The following MOB1B variants were observed in gnomAD, a reference collection of about 807,000 sequenced individuals.
The protein encoded by MOB1B is MOB1 Mps One Binder homolog B.
A neutral mutation model predicts 24.4 loss-of-function variants in MOB1B; 19 were observed. That is an observed-to-expected ratio of 0.78 (90% CI 0.54 to 1.14). The LOEUF (loss-of-function observed/expected upper bound fraction) is 1.14. MOB1B is among the 50% of genes most tolerant of loss of function. MOB1B has a pLI of 0.00. For missense variants in MOB1B, 243 were observed against 259.6 expected (o/e 0.94, Z 0.44); for synonymous variants, 76 against 82.1 (o/e 0.93, Z 0.40).
intron 2 of MOB1B, among the ~76,000 whole-genome samples, chr4:70,961,640 G>A (rs1345628656): frequency 6.6e-6 from 1 of 152,162 alleles, no homozygotes; most frequent in Non-Finnish European, 1.5e-5. Flanking sequence ...TGAAGCATTA[G>A]AACATCTGCT....
chr4:70,927,747 G>T (rs1288588997), intron 1 of MOB1B, among the ~76,000 whole-genome samples: 1 of 152,092 alleles, frequency 6.6e-6, no homozygotes, highest in Non-Finnish European at 1.5e-5. Flanking sequence ...TAACATGGAG[G>T]GGAAGTGGTA....
At chr4:70,961,928 T>C (rs552388096) in intron 2 of MOB1B, among the ~76,000 whole-genome samples, 4 of 152,150 alleles carry the variant, frequency 2.6e-5, no homozygotes, top group African/African-American at 4.8e-5. Flanking sequence ...AAAATAATCC[T>C]GAAGAATATA....
At chr4:70,933,932 A>C (rs1450368673) in intron 1 of MOB1B, among the ~76,000 whole-genome samples, 1 of 151,674 alleles carries the variant, frequency 6.6e-6, no homozygotes, top group Non-Finnish European at 1.5e-5. Context: ...CACGCCTGTA[A>C]TCCCAACACT....
chr4:70,982,221 C>A lies in MOB1B; in HGVS notation c.*164C>A. On this transcript the variant is annotated 3_prime_UTR_variant, in exon 6 of 6. Transcript: ENST00000309395. Reference sequence around the variant, plus strand: ...TATTCTGATTATGTGAAACCATATTCTATTGCTAGGGGAAGCCAAGAACCA... The same window carrying A: ...TATTCTGATTATGTGAAACCATATTATATTGCTAGGGGAAGCCAAGAACCA... The A allele has an allele frequency of 1.9e-6, 1 of 519,252 alleles. No individual in the cohort carries two copies. 32.2% of individuals were successfully genotyped at this position (519,252 alleles called of 1,614,324 possible).
At chr4:70,968,795 A>C (rs577260796) in intron 2 of MOB1B, among the ~76,000 whole-genome samples, 7 of 151,648 alleles carry the variant, frequency 4.6e-5, no homozygotes, top group Non-Finnish European at 1.0e-4. Context: ...AATTTTTAAA[A>C]TATTTTTTGC....
At chr4:70,935,137 C>G (rs905542163) in intron 1 of MOB1B, among the ~76,000 whole-genome samples, 1 of 151,966 alleles carries the variant, frequency 6.6e-6, no homozygotes, top group Non-Finnish European at 1.5e-5. Flanking sequence ...CTATGTTGCC[C>G]AGATATAAGG....
intron 3 of MOB1B, among the ~76,000 whole-genome samples, chr4:70,972,033 A>T (rs1738779012): frequency 7.0e-6 from 1 of 143,024 alleles, no homozygotes. Flanking sequence ...GAGAATCGTG[A>T]CATTTCCCAG....
intron 1 of MOB1B, among the ~76,000 whole-genome samples, chr4:70,958,255 C>CAAGTT: frequency 6.6e-6 from 1 of 151,744 alleles, no homozygotes; most frequent in Non-Finnish European, 1.5e-5. Flanking sequence ...ACCTCTGCCT[C>CAAGTT]CCGAGTTCAA....
intron 1 of MOB1B, among the ~76,000 whole-genome samples, chr4:70,938,548 T>C (rs901191089): frequency 1.3e-5 from 2 of 152,042 alleles, no homozygotes; most frequent in Non-Finnish European, 2.9e-5. Context: ...AATAAACCTT[T>C]AGCTTTCAGT....
intron 1 of MOB1B, among the ~76,000 whole-genome samples, chr4:70,943,493 G>C (rs1241898604): frequency 6.6e-6 from 1 of 152,124 alleles, no homozygotes; most frequent in Non-Finnish European, 1.5e-5. Flanking sequence ...ACATAAAATA[G>C]TGAAAGAGCT....
chr4:70,935,347 C>T (rs1000074886), intron 1 of MOB1B, among the ~76,000 whole-genome samples: 2 of 152,100 alleles, frequency 1.3e-5, no homozygotes, highest in Non-Finnish European at 2.9e-5. Flanking sequence ...TCATACCATC[C>T]GAAGACACAC....
chr4:70,969,507 A>G (rs1182181379), intron 2 of MOB1B, among the ~76,000 whole-genome samples: 4 of 152,152 alleles, frequency 2.6e-5, no homozygotes, highest in African/African-American at 9.7e-5. Flanking sequence ...GGCCTATGGA[A>G]TGGCATCTCA....
In MOB1B at chr4:70,983,523, G is replaced by A. The variant is rs1043133855; in HGVS notation, c.*1466G>A. ...AGAAAATACCCTTTTTAGAAATCCAGTTTTAGTTTTGTCATTTTCGATAAA... is the reference window on the plus strand; with the variant it reads ...AGAAAATACCCTTTTTAGAAATCCAATTTTAGTTTTGTCATTTTCGATAAA... On this transcript the variant is annotated 3_prime_UTR_variant, in exon 6 of 6. Coordinates refer to ENST00000309395, the MANE Select transcript of MOB1B (RefSeq NM_173468.4). 4.6e-5 allele frequency: 7 copies of A among 152,108 alleles called. No individual in the cohort carries two copies. Among genetic ancestry groups the A allele is most frequent in the Admixed American group, 3.9e-4 (6 of 15,252 alleles). The allele number at this position is 152,108 out of a possible 1,614,324, so 9.4% of individuals were successfully genotyped here.
At chr4:70,906,345 C>A (rs988041212) in intron 1 of MOB1B, among the ~76,000 whole-genome samples, 1 of 152,134 alleles carries the variant, frequency 6.6e-6, no homozygotes, top group African/African-American at 2.4e-5. Context: ...CCACTGCACT[C>A]CAGCCTGGAC....
At chr4:70,940,841 T>C (rs1390258580) in intron 1 of MOB1B, among the ~76,000 whole-genome samples, 1 of 151,174 alleles carries the variant, frequency 6.6e-6, no homozygotes, top group Non-Finnish European at 1.5e-5. Context: ...CACGCCCGGC[T>C]AATTTTGTAT....
rs75401915 is a variant in MOB1B, at chr4:70,951,598, T to C, written c.15-7276T>C. On this transcript the variant is annotated intron_variant, in intron 1 of 5. Coordinates refer to ENST00000309395, the MANE Select transcript of MOB1B (RefSeq NM_173468.4). ...AATATGTAATACATCATTCACATTCTAGTCAGCATTCCATAGTGGCTGAGC... is the reference window on the plus strand; with the variant it reads ...AATATGTAATACATCATTCACATTCCAGTCAGCATTCCATAGTGGCTGAGC... Among the ~76,000 whole-genome samples the C allele has an allele frequency of 4.3e-3, 662 of 152,362 alleles. 4 individuals are homozygous for C. Among genetic ancestry groups the C allele is most frequent in the African/African-American group, 0.015 (626 of 41,594 alleles).
Position 70,984,042 on chromosome 4 carries a change from T to C in MOB1B, c.*1985T>C, listed in dbSNP as rs1739303105. 1 of 152,558 alleles carries C rather than the reference T, an allele frequency of 6.6e-6. No homozygotes were observed. Among genetic ancestry groups the C allele is most frequent in the Non-Finnish European group, 1.5e-5 (1 of 67,978 alleles). The allele number at this position is 152,558 out of a possible 1,614,324, so 9.5% of individuals were successfully genotyped here. On this transcript the variant is annotated 3_prime_UTR_variant, in exon 6 of 6. Transcript: ENST00000309395. ...CATATTGTATTTGACTTCATATCAA[T>C]CTAGTAAAAAAGGAGTTGCAATAGC...
At chr4:70,976,835 A>G (rs1369920983) in intron 4 of MOB1B, 1 of 159,776 alleles carries the variant, frequency 6.3e-6, no homozygotes, top group Non-Finnish European at 1.3e-5. Flanking sequence ...TCTCTCTCAT[A>G]ATACAGTTGT....
intron 1 of MOB1B, among the ~76,000 whole-genome samples, chr4:70,935,434 G>C (rs187814808): frequency 1.3e-3 from 200 of 152,240 alleles, no homozygotes; most frequent in South Asian, 2.7e-3. Flanking sequence ...TCAGTTAGCG[G>C]CTTGGCAACA....
Sources: allele counts gnomAD v4.1 joint callset (sites outside exome capture counted in the v4.1 genomes callset), GRCh38; gene constraint gnomAD v4.1.1; transcripts MANE v1.5; gene names NCBI Gene and HGNC (gene_info 2026-07-23, HGNC 2026-07-21).